The following MEF2A variants were observed in gnomAD, a reference collection of about 807,000 sequenced individuals.
MEF2A encodes myocyte enhancer factor 2A, also known as myocyte-specific enhancer factor 2A.
In MEF2A, 28 loss-of-function variants were observed where a neutral mutation model predicts 55.8. That is an observed-to-expected ratio of 0.50 (90% CI 0.37 to 0.69). The LOEUF (loss-of-function observed/expected upper bound fraction) is 0.69, where lower values mean the gene tolerates loss of function less well. Among genes scored for constraint, MEF2A ranks in the 30% least tolerant of loss-of-function variants. The probability of loss-of-function intolerance (pLI) is 0.00; values close to 1 mark genes in which losing one functional copy is unlikely to be tolerated. For missense variants in MEF2A, 528 were observed against 626.2 expected, an observed-to-expected ratio of 0.84 and a Z score of 1.67; for synonymous variants, 239 against 227.1, an observed-to-expected ratio of 1.05 and a Z score of -0.47.
chr15:99,604,634 T>C (rs532436892), intron 2 of MEF2A, among the ~76,000 whole-genome samples: 1 of 152,140 alleles, frequency 6.6e-6, no homozygotes, highest in East Asian at 1.9e-4. Flanking sequence ...GGCCACATTT[T>C]TTTGCCTCTT....
intron 2 of MEF2A, among the ~76,000 whole-genome samples, 168 bp downstream of exon 2, chr15:99,598,679 C>T (rs1326963062): frequency 2.0e-5 from 3 of 151,946 alleles, no homozygotes; most frequent in Admixed American, 6.6e-5. Context: ...GGTTGAAATG[C>T]GTAATATTGT....
intron 8 of MEF2A, among the ~76,000 whole-genome samples, chr15:99,693,119 A>G (rs1239303286): frequency 6.6e-6 from 1 of 152,218 alleles, no homozygotes; most frequent in Non-Finnish European, 1.5e-5. Context: ...AGTAAGGCTC[A>G]AACCCAGTCC....
intron 4 of MEF2A, among the ~76,000 whole-genome samples, chr15:99,648,644 G>A (rs1002028936): frequency 6.6e-5 from 10 of 151,994 alleles, no homozygotes; most frequent in South Asian, 4.2e-4. Flanking sequence ...ACATATTTCC[G>A]TTTGCATATA....
chr15:99,641,039 C>T (rs1035123175), intron 3 of MEF2A, among the ~76,000 whole-genome samples: 3 of 152,094 alleles, frequency 2.0e-5, no homozygotes, highest in Admixed American at 1.3e-4. Context: ...CACTAGTTTG[C>T]GTGATCCCAG....
intron 7 of MEF2A, 22 bp from the exon 8 acceptor site, chr15:99,690,219 T>G (rs777073164): frequency 2.5e-6 from 4 of 1,607,464 alleles, no homozygotes; most frequent in Non-Finnish European, 3.4e-6. Context: ...CTCACTTTAT[T>G]GAATGATATT....
chr15:99,686,370 A>C (rs1399265601), intron 7 of MEF2A, among the ~76,000 whole-genome samples: 1 of 151,798 alleles, frequency 6.6e-6, no homozygotes, highest in African/African-American at 2.4e-5. Flanking sequence ...GTTTTGTTTC[A>C]AGATTTAGAA....
intron 11 of MEF2A, among the ~76,000 whole-genome samples, chr15:99,711,375 G>T (rs1009862895): frequency 1.3e-5 from 2 of 152,238 alleles, no homozygotes; most frequent in South Asian, 4.1e-4. Context: ...TTCACAAAGA[G>T]AATGTTCCGT....
intron 2 of MEF2A, among the ~76,000 whole-genome samples, chr15:99,625,761 A>G (rs1260851703): frequency 6.6e-6 from 1 of 151,562 alleles, no homozygotes; most frequent in Non-Finnish European, 1.5e-5. Context: ...TTATTCTCTT[A>G]TGTGGTGTGT....
At position 99,613,797 on chromosome 15, in the gene MEF2A, C is replaced by CG. The variant is rs1022735034; in HGVS notation, c.-143+15290dup. ...TAGCATCAGATAAATTGCCTTTTAACGGGGAACGTATTGACATGTAGTGGT... is the reference window on the plus strand; with the variant it reads ...TAGCATCAGATAAATTGCCTTTTAACGGGGGAACGTATTGACATGTAGTGGT... On this transcript the variant is annotated intron_variant, in intron 2 of 11. Transcript: ENST00000557942. 3.9e-5 allele frequency among the ~76,000 whole-genome samples: 6 copies of CG among 152,252 alleles called. No individual in the cohort carries two copies. The East Asian group carries it at 1.2e-3, about 29-fold the overall frequency.
At chr15:99,660,819 A>G (rs917254165) in intron 4 of MEF2A, among the ~76,000 whole-genome samples, 5 of 152,228 alleles carry the variant, frequency 3.3e-5, no homozygotes, top group South Asian at 4.1e-4. Flanking sequence ...CAAATTATAT[A>G]TATCTGTGCC....
rs1003232471 is a variant in MEF2A at position 99,662,921 on chromosome 15, GTTTA to G, written c.259-8397_259-8394del. On this transcript the variant is annotated intron_variant, in intron 4 of 11. Coordinates refer to ENST00000557942, the MANE Select transcript of MEF2A (RefSeq NM_001319206.4). The stretch of plus-strand genomic sequence containing the variant: ...AGGTGGGTGGTCAAATTTTTTGTGG[GTTTA>G]TTTAATTGATTTAAATCAGTTAACT... Among the ~76,000 whole-genome samples, 23 of 152,264 alleles carry G rather than the reference GTTTA, an allele frequency of 1.5e-4. 1 individual carries two copies. Among genetic ancestry groups the G allele is most frequent in the African/African-American group, 5.5e-4 (23 of 41,554 alleles).
intron 6 of MEF2A, among the ~76,000 whole-genome samples, chr15:99,674,840 C>T (rs2051608466): frequency 6.6e-6 from 1 of 152,082 alleles, no homozygotes; most frequent in Non-Finnish European, 1.5e-5. Context: ...TATATGCTTT[C>T]CTTCTCATGG....
intron 7 of MEF2A, among the ~76,000 whole-genome samples, chr15:99,682,936 C>T (rs1255858108): frequency 6.6e-6 from 1 of 152,152 alleles, no homozygotes; most frequent in Non-Finnish European, 1.5e-5. Flanking sequence ...ATATTCATGC[C>T]ATTGTATATT....
chr15:99,649,641 A>G lies in MEF2A; in HGVS notation c.258+3877A>G, dbSNP rs2570815. Among the ~76,000 whole-genome samples the G allele has an allele frequency of 7.7e-3, 1,178 of 152,242 alleles. 11 individuals are homozygous for G. The highest frequency in any genetic ancestry group is 0.014 in the Middle Eastern group (4 of 294). On this transcript the variant is annotated intron_variant, in intron 4 of 11. Coordinates refer to ENST00000557942, the MANE Select transcript of MEF2A (RefSeq NM_001319206.4). ...AAATTAAGATTAAAAATTATGAACTATATTATATAATTTTACAGGAATACT... is the reference window on the plus strand; with the variant it reads ...AAATTAAGATTAAAAATTATGAACTGTATTATATAATTTTACAGGAATACT...
At chr15:99,599,789 C>G (rs938964114) in intron 2 of MEF2A, among the ~76,000 whole-genome samples, 20 of 152,170 alleles carry the variant, frequency 1.3e-4, no homozygotes, top group African/African-American at 4.6e-4. Context: ...ACAGTTGGCC[C>G]TCTCTACCCA....
chr15:99,647,959 T>C (rs969340663), intron 4 of MEF2A, among the ~76,000 whole-genome samples: 1 of 152,172 alleles, frequency 6.6e-6, no homozygotes, highest in Non-Finnish European at 1.5e-5. Context: ...TTTTTTCACA[T>C]ATGAAGATGA....
chr15:99,693,453 A>C (rs974308151), intron 8 of MEF2A, among the ~76,000 whole-genome samples: 6 of 152,228 alleles, frequency 3.9e-5, no homozygotes, highest in African/African-American at 1.4e-4. Context: ...ATGCACGCAC[A>C]CACACTCTCA....
chr15:99,571,192 A>G (rs542322725), intron 1 of MEF2A, among the ~76,000 whole-genome samples: 3 of 151,842 alleles, frequency 2.0e-5, no homozygotes, highest in Non-Finnish European at 4.4e-5. Flanking sequence ...TCCAAAAAAA[A>G]AAAAACAACA....
intron 2 of MEF2A, among the ~76,000 whole-genome samples, chr15:99,608,371 T>A (rs540098755): frequency 6.6e-6 from 1 of 152,336 alleles, no homozygotes; most frequent in South Asian, 2.1e-4. Context: ...CCCTTAAGCT[T>A]CTTTTATTTT....
Sources: allele counts gnomAD v4.1 joint callset (sites outside exome capture counted in the v4.1 genomes callset), GRCh38; gene constraint gnomAD v4.1.1; transcripts MANE v1.5; gene names NCBI Gene and HGNC (gene_info 2026-07-23, HGNC 2026-07-21).